NAV3: variants seen among roughly 807,000 people sequenced by gnomAD.
NAV3 encodes pore membrane and/or filament interacting like protein 1.
NAV3 carries 87 observed loss-of-function variants against 244.7 expected under a neutral mutation model. That is an observed-to-expected ratio of 0.36 (90% CI 0.30 to 0.42). The LOEUF (loss-of-function observed/expected upper bound fraction) is 0.42, where lower values mean the gene tolerates loss of function less well. NAV3 is among the 20% of genes least tolerant of loss of function. NAV3 has a pLI of 1.00. For synonymous variants in NAV3, 1,126 were observed against 1,042.2 expected, an observed-to-expected ratio of 1.08 and a Z score of -1.55; for missense variants, 2,663 against 2,893.3, an observed-to-expected ratio of 0.92 and a Z score of 1.83.
chr12:77,902,266 A>G (rs1885389190), intron 1 of NAV3, among the ~76,000 whole-genome samples: 1 of 152,196 alleles, frequency 6.6e-6, no homozygotes, highest in Non-Finnish European at 1.5e-5. Flanking sequence ...GTTCAGTTCC[A>G]TCAAAGCAGG....
At chr12:78,140,146 C>A in intron 19 of NAV3, 136 bp from the exon 20 acceptor site, 1 of 693,792 alleles carries the variant, frequency 1.4e-6, no homozygotes, top group Non-Finnish European at 2.5e-6. Flanking sequence ...TTATAGCAGG[C>A]TGGTTCTCAG....
chr12:78,141,536 G>T (rs1956614904), intron 20 of NAV3, among the ~76,000 whole-genome samples: 1 of 151,936 alleles, frequency 6.6e-6, no homozygotes, highest in South Asian at 2.1e-4. Context: ...ATTATCATTA[G>T]GTTCAAATGT....
At chr12:77,943,033 C>A (rs1003091745) in intron 3 of NAV3, among the ~76,000 whole-genome samples, 9 of 152,228 alleles carry the variant, frequency 5.9e-5, no homozygotes, top group Admixed American at 3.3e-4. Flanking sequence ...TCTGGGATTA[C>A]AGAGAATTCA....
chr12:77,904,197 A>G (rs1885672940), intron 1 of NAV3, among the ~76,000 whole-genome samples: 1 of 152,244 alleles, frequency 6.6e-6, no homozygotes, highest in Non-Finnish European at 1.5e-5. Context: ...ATGCACACAT[A>G]TGTTTATTGT....
chr12:77,914,225 T>C (rs1183110126), intron 1 of NAV3, among the ~76,000 whole-genome samples: 1 of 152,126 alleles, frequency 6.6e-6, no homozygotes, highest in Admixed American at 6.6e-5. Context: ...CTAATACTAT[T>C]GGTCTTACTG....
chr12:77,909,100 A>G (rs1184638869), intron 1 of NAV3, among the ~76,000 whole-genome samples: 2 of 152,088 alleles, frequency 1.3e-5, no homozygotes, highest in Admixed American at 1.3e-4. Context: ...TACTGAATAT[A>G]AAGCCCCTTA....
intron 1 of NAV3, among the ~76,000 whole-genome samples, chr12:77,916,406 A>C (rs531761572): frequency 1.3e-5 from 2 of 151,940 alleles, no homozygotes; most frequent in Non-Finnish European, 2.9e-5. Context: ...CCTTCAACTA[A>C]AAGGAACAGA....
intron 1 of NAV3, among the ~76,000 whole-genome samples, chr12:77,937,795 AG>A (rs1273423194): frequency 6.6e-6 from 1 of 152,202 alleles, no homozygotes; most frequent in Non-Finnish European, 1.5e-5. Context: ...AACTTTAACA[AG>A]TATTTGTTGG....
chr12:77,581,895 G>A (rs561745235), intron 2 of NAV3, among the ~76,000 whole-genome samples: 4 of 152,232 alleles, frequency 2.6e-5, no homozygotes, highest in East Asian at 1.9e-4. Context: ...TTACTAATGG[G>A]TTTATTCATT....
Position 78,122,230 on chromosome 12 carries a change from C to G in NAV3, c.4040C>G (p.Ala1347Gly), listed in dbSNP as rs781143961. The G allele has an allele frequency of 6.2e-7, 1 of 1,614,136 alleles. No homozygotes were observed. Among genetic ancestry groups the G allele is most frequent in the Admixed American group, 1.7e-5 (1 of 60,012 alleles). ...TTCACATCAGGTGGTCTCGTGTGGGCTGCCAATATGAGCAGTTCCTCTGCA... is the reference window on the plus strand; with the variant it reads ...TTCACATCAGGTGGTCTCGTGTGGGGTGCCAATATGAGCAGTTCCTCTGCA... ...HSFTSGGLVWAANMSSSSAGS... is the reference protein window; with the variant it reads ...HSFTSGGLVWGANMSSSSAGS... Residue 1347 changes from alanine (A) to glycine (G), a missense_variant, in exon 16 of 40, where the codon GCT (alanine) becomes GGT (glycine). Around this residue, in one of 6 missense-constraint regions of NAV3, gnomAD observed 354 missense variants for 413.0 expected, o/e 0.86. Coordinates refer to ENST00000397909, the MANE Select transcript of NAV3 (RefSeq NM_001024383.2).
At chr12:77,864,214 T>C (rs1478257557) in intron 1 of NAV3, among the ~76,000 whole-genome samples, 1 of 151,906 alleles carries the variant, frequency 6.6e-6, no homozygotes, top group East Asian at 1.9e-4. Flanking sequence ...ATTTTCAGTC[T>C]TTTCCTGCAT....
chr12:77,979,820 T>G (rs1421118808), intron 5 of NAV3, among the ~76,000 whole-genome samples: 1 of 151,958 alleles, frequency 6.6e-6, no homozygotes, highest in African/African-American at 2.4e-5. Context: ...ATATTGTTAC[T>G]GAAATGCCAG....
At chr12:78,198,283 A>G (rs576920375) in intron 35 of NAV3, among the ~76,000 whole-genome samples, 1 of 152,036 alleles carries the variant, frequency 6.6e-6, no homozygotes, top group African/African-American at 2.4e-5. Flanking sequence ...ATTTTATCAT[A>G]AGCATTATAA....
At chr12:78,177,058 A>T in intron 26 of NAV3, 83 bp from the exon 27 acceptor site, 1 of 1,412,398 alleles carries the variant, frequency 7.1e-7, no homozygotes, top group Non-Finnish European at 1.0e-6. Context: ...AGTGGCTAGG[A>T]TGGCATCTGC....
chr12:77,662,484 TG>T (rs1873507144), intron 2 of NAV3, among the ~76,000 whole-genome samples: 1 of 151,502 alleles, frequency 6.6e-6, no homozygotes, highest in Non-Finnish European at 1.5e-5. Context: ...GTAACTTTTT[TG>T]TAAATCCCAT....
intron 2 of NAV3, among the ~76,000 whole-genome samples, chr12:77,659,715 G>A (rs1873335550): frequency 6.6e-6 from 1 of 152,128 alleles, no homozygotes; most frequent in African/African-American, 2.4e-5. Flanking sequence ...CAATCCAAAT[G>A]TCCAACAATG....
intron 3 of NAV3, among the ~76,000 whole-genome samples, chr12:77,959,255 G>A (rs555512150): frequency 5.9e-5 from 9 of 152,128 alleles, no homozygotes; most frequent in East Asian, 3.9e-4. Flanking sequence ...TTTTGAGTTC[G>A]TAAATGTAAA....
At chr12:78,209,977 G>GTGTGCCTCTGTGTGCGTC (rs1960733139) in intron 39 of NAV3, among the ~76,000 whole-genome samples, 2 of 152,274 alleles carry the variant, frequency 1.3e-5, no homozygotes, top group Non-Finnish European at 2.9e-5. Flanking sequence ...GACAGTGCGT[G>GTGTGCCTCTGTGTGCGTC]TGTGCCTCTG....
intron 2 of NAV3, among the ~76,000 whole-genome samples, chr12:77,603,496 A>T (rs61932073): frequency 1.7e-3 from 261 of 152,030 alleles, no homozygotes; most frequent in African/African-American, 6.0e-3. Context: ...GGCCTGCAGT[A>T]TGACATGAGT....
Sources: gnomAD v4.1 joint callset for allele counts (sites outside exome capture counted in the v4.1 genomes callset) on GRCh38, gnomAD v4.1.1 for gene constraint, gnomAD v4.1.1 regional missense constraint, MANE v1.5 for transcripts, NCBI Gene and HGNC (gene_info 2026-07-23, HGNC 2026-07-21) for gene names.